Variants in CCND3 observed in about 807,000 individuals in gnomAD.
CCND3 encodes the protein G1/S-specific cyclin-D3.
A neutral mutation model predicts 28.7 loss-of-function variants in CCND3; 9 were observed. The ratio of observed to expected loss-of-function variants is 0.31; its 90% CI spans 0.19 to 0.55. The LOEUF is 0.55. Among genes scored for constraint, CCND3 ranks in the 20% least tolerant of loss-of-function variants. CCND3 has a pLI of 0.93. For missense variants in CCND3, 315 were observed against 385.8 expected, an observed-to-expected ratio of 0.82 and a Z score of 1.54; for synonymous variants, 164 against 163.9, an observed-to-expected ratio of 1.00 and a Z score of 0.00.
chr6:41,996,138 A>ATAT (rs1424031677), intron 1 of CCND3, among the ~76,000 whole-genome samples: 9 of 102,422 alleles, frequency 8.8e-5, no homozygotes, highest in South Asian at 3.1e-4. Context: ...ATATATATAT[A>ATAT]TTTTTTTTGT....
intron 1 of CCND3, among the ~76,000 whole-genome samples, chr6:42,039,924 G>C (rs954707269): frequency 6.6e-6 from 1 of 152,232 alleles, no homozygotes. Flanking sequence ...TGCCCGGGGG[G>C]ATTCGTGTCA....
intron 1 of CCND3, among the ~76,000 whole-genome samples, chr6:42,037,256 T>C (rs1396823178): frequency 1.3e-4 from 18 of 142,500 alleles, no homozygotes; most frequent in Non-Finnish European, 2.1e-4. Context: ...TTTTTTTTTT[T>C]AAGACGGAGT....
At chr6:41,972,002 G>T (rs1762043092) in intron 1 of CCND3, among the ~76,000 whole-genome samples, 1 of 149,822 alleles carries the variant, frequency 6.7e-6, no homozygotes. Context: ...AAGACGGGCG[G>T]ATCACGAGGT....
At chr6:42,044,314 A>T (rs1764462891) in intron 1 of CCND3, among the ~76,000 whole-genome samples, 1 of 152,232 alleles carries the variant, frequency 6.6e-6, no homozygotes, top group Non-Finnish European at 1.5e-5. Context: ...CCCTGAAACC[A>T]GTCAGCGCCT....
At position 41,935,606 on chromosome 6, in the gene CCND3, G is replaced by A. The variant is rs1775748740; in HGVS notation, c.*334C>T. On this transcript the variant is annotated 3_prime_UTR_variant, in exon 5 of 5. Coordinates refer to ENST00000372991, the MANE Select transcript of CCND3 (RefSeq NM_001760.5). ...CATTTTGGCAGTTGAAAACATGAGAGCCCCCAGGGGTGGGGGGGGGCGTTC... is the reference window on the plus strand; with the variant it reads ...CATTTTGGCAGTTGAAAACATGAGAACCCCCAGGGGTGGGGGGGGGCGTTC... The A allele has an allele frequency of 4.5e-6, 2 of 441,002 alleles. No individual in the cohort carries two copies. Among genetic ancestry groups the A allele is most frequent in the South Asian group, 4.9e-5 (1 of 20,608 alleles). The allele number at this position is 441,002 out of a possible 1,614,324, so 27.3% of individuals were successfully genotyped here.
At chr6:41,980,131 ATTTTTTTTT>A (rs61407287) in intron 1 of CCND3, among the ~76,000 whole-genome samples, 88,560 of 146,858 alleles carry the variant, frequency 0.6, 27,405 homozygotes, top group African/African-American at 0.75. Context: ...GTTTACTGGA[ATTTTTTTTT>A]TTTTTTTTTT....
chr6:42,043,344 T>C (rs1764428532), intron 1 of CCND3, among the ~76,000 whole-genome samples: 1 of 152,236 alleles, frequency 6.6e-6, no homozygotes, highest in Non-Finnish European at 1.5e-5. Flanking sequence ...AAGACCATCC[T>C]GGCCAACATG....
intron 1 of CCND3, chr6:42,010,800 C>A (rs150523774): frequency 6.6e-6 from 1 of 152,172 alleles, no homozygotes; most frequent in African/African-American, 2.4e-5. Context: ...CTGCCATCAG[C>A]GCTGAGGAGG....
intron 1 of CCND3, among the ~76,000 whole-genome samples, chr6:41,982,407 A>G (rs991049442): frequency 7.2e-5 from 11 of 152,212 alleles, no homozygotes; most frequent in Non-Finnish European, 1.0e-4. Context: ...AATATGTACA[A>G]GGTCTATATG....
At chr6:41,961,274 G>C (rs756901438) in intron 1 of CCND3, among the ~76,000 whole-genome samples, 4 of 151,952 alleles carry the variant, frequency 2.6e-5, no homozygotes, top group Non-Finnish European at 4.4e-5. Flanking sequence ...AGGAGTTCAA[G>C]ACCAGCATGG....
chr6:42,015,164 C>T (rs985546463), intron 1 of CCND3, among the ~76,000 whole-genome samples: 1 of 152,132 alleles, frequency 6.6e-6, no homozygotes, highest in Non-Finnish European at 1.5e-5. Context: ...GGTCATACAT[C>T]TAGCATGAAT....
intron 1 of CCND3, among the ~76,000 whole-genome samples, chr6:41,949,411 A>G (rs1776250321): frequency 6.6e-6 from 1 of 152,110 alleles, no homozygotes; most frequent in Admixed American, 6.5e-5. Context: ...AGGCTGAGGT[A>G]GAAGAATCGC....
intron 1 of CCND3, among the ~76,000 whole-genome samples, chr6:42,036,794 A>G (rs557417199): frequency 3.9e-5 from 6 of 152,190 alleles, no homozygotes; most frequent in African/African-American, 1.4e-4. Context: ...TAAATCAGAA[A>G]CTGATGAAAA....
intron 1 of CCND3, among the ~76,000 whole-genome samples, chr6:41,963,696 A>G (rs1458193899): frequency 6.6e-6 from 1 of 152,250 alleles, no homozygotes; most frequent in African/African-American, 2.4e-5. Flanking sequence ...AGCATGGTTC[A>G]AGAGGTATGA....
intron 1 of CCND3, among the ~76,000 whole-genome samples, chr6:41,976,752 C>A (rs919526020): frequency 1.3e-5 from 2 of 152,170 alleles, no homozygotes; most frequent in African/African-American, 4.8e-5. Context: ...ACAAAACTGT[C>A]TTTGATATAT....
Position 41,936,974 on chromosome 6 carries a change from C to T in CCND3, c.574+261G>A, listed in dbSNP as rs950398331. 1.7e-5 allele frequency: 10 copies of T among 595,642 alleles called. No individual in the cohort carries two copies. The highest frequency in any genetic ancestry group is 3.0e-5 in the Admixed American group (1 of 33,576). The allele number at this position is 595,642 out of a possible 1,614,324, so 36.9% of individuals were successfully genotyped here. A position where few individuals can be genotyped will look rare whatever the true frequency, so the allele number is the denominator to read the frequency against. On this transcript the variant is annotated intron_variant, in intron 3 of 4. Coordinates refer to ENST00000372991, the MANE Select transcript of CCND3 (RefSeq NM_001760.5). This position sits in a 1 kb window ranked among gnomAD's most constrained non-coding sequence, Gnocchi z 4.4. Reference sequence around the variant, plus strand: ...CAACTAGGGCCAAGAGACTGGGGTTCTGTTCCCAACCTGTTCACTGTGAGA... The same window carrying T: ...CAACTAGGGCCAAGAGACTGGGGTTTTGTTCCCAACCTGTTCACTGTGAGA...
chr6:41,983,567 G>A (rs1321560960), intron 1 of CCND3, among the ~76,000 whole-genome samples: 2 of 151,962 alleles, frequency 1.3e-5, no homozygotes, highest in Non-Finnish European at 2.9e-5. Context: ...AGGTGAGGTG[G>A]CTCAAACCTG....
At chr6:42,011,072 T>TAC in intron 1 of CCND3, 1 of 142,314 alleles carries the variant, frequency 7.0e-6, no homozygotes, top group Non-Finnish European at 1.5e-5. Context: ...GAACAACTGG[T>TAC]AGTGAATGAA....
chr6:41,979,605 GA>G (rs1281598599), intron 1 of CCND3, among the ~76,000 whole-genome samples: 1 of 141,264 alleles, frequency 7.1e-6, no homozygotes. Flanking sequence ...GTCAGACAAG[GA>G]AAAAATCTCT....
Sources: gnomAD v4.1 joint callset for allele counts (sites outside exome capture counted in the v4.1 genomes callset) on GRCh38, gnomAD v4.1.1 for gene constraint, Gnocchi (gnomAD v3.1) non-coding constraint, MANE v1.5 for transcripts, NCBI Gene and HGNC (gene_info 2026-07-23, HGNC 2026-07-21) for gene names.